SPOCK1: variants seen among roughly 807,000 people sequenced by gnomAD.
SPOCK1 encodes testican-1.
A neutral mutation model predicts 55.3 loss-of-function variants in SPOCK1; 23 were observed. The ratio of observed to expected loss-of-function variants is 0.42; its 90% CI spans 0.30 to 0.59. The LOEUF is 0.59. Ranked by LOEUF, SPOCK1 falls within the 20% of genes least tolerant of loss-of-function variation. The probability of loss-of-function intolerance (pLI) is 0.22; values close to 1 mark genes in which losing one functional copy is unlikely to be tolerated. For synonymous variants in SPOCK1, 226 were observed against 221.0 expected, an observed-to-expected ratio of 1.02 and a Z score of -0.20; for missense variants, 499 against 552.5, an observed-to-expected ratio of 0.90 and a Z score of 0.97.
chr5:137,343,576 CA>C (rs1750486736), intron 2 of SPOCK1, among the ~76,000 whole-genome samples: 1 of 152,240 alleles, frequency 6.6e-6, no homozygotes, highest in Non-Finnish European at 1.5e-5. Context: ...TAGCAACCAT[CA>C]CAGCCACCTG....
chr5:137,149,572 G>C (rs1236855142), intron 3 of SPOCK1, among the ~76,000 whole-genome samples: 4 of 152,182 alleles, frequency 2.6e-5, no homozygotes, highest in African/African-American at 9.7e-5. Flanking sequence ...AAAGATCACT[G>C]TGGCTCACAC....
At chr5:137,363,622 G>A (rs2127167306) in intron 2 of SPOCK1, among the ~76,000 whole-genome samples, 1 of 152,344 alleles carries the variant, frequency 6.6e-6, no homozygotes, top group South Asian at 2.1e-4. Flanking sequence ...GAGCTGTCAG[G>A]AGACAATGTA....
intron 3 of SPOCK1, among the ~76,000 whole-genome samples, chr5:137,182,718 G>C (rs893812529): frequency 2.0e-5 from 3 of 152,188 alleles, no homozygotes; most frequent in African/African-American, 7.2e-5. Flanking sequence ...CCAGCATGGG[G>C]TGTTGGCCTG....
In SPOCK1 at chr5:137,239,838, T is replaced by C. The variant is rs79705818; in HGVS notation, c.232+27172A>G. ...GGAAACTAGGAAAAGCCTAAAAAGGTATAAAAATGGTAAGAAGCACTTAAA... is the reference window on the plus strand; with the variant it reads ...GGAAACTAGGAAAAGCCTAAAAAGGCATAAAAATGGTAAGAAGCACTTAAA... On this transcript the variant is annotated intron_variant, in intron 3 of 10. Transcript: ENST00000394945. 3.0e-4 allele frequency among the ~76,000 whole-genome samples: 45 copies of C among 152,164 alleles called. No individual in the cohort carries two copies. In the East Asian group the frequency reaches 8.3e-3, roughly 28 times the overall value.
intron 2 of SPOCK1, among the ~76,000 whole-genome samples, chr5:137,411,404 G>C (rs1752206075): frequency 6.6e-6 from 1 of 152,156 alleles, no homozygotes; most frequent in Non-Finnish European, 1.5e-5. Flanking sequence ...CAGTGATGAG[G>C]ATGGAGGGAG....
chr5:137,074,013 C>T (rs1752675003), intron 5 of SPOCK1, among the ~76,000 whole-genome samples: 1 of 132,620 alleles, frequency 7.5e-6, no homozygotes, highest in Non-Finnish European at 1.6e-5. Flanking sequence ...AGAAAATACA[C>T]AGTAGCACCT....
At chr5:137,254,403 CA>C (rs1421164163) in intron 3 of SPOCK1, among the ~76,000 whole-genome samples, 7 of 151,288 alleles carry the variant, frequency 4.6e-5, no homozygotes, top group African/African-American at 9.7e-5. Flanking sequence ...TTTCCACTGT[CA>C]AAAAAAAATT....
chr5:137,078,454 C>T (rs556342932), intron 5 of SPOCK1, among the ~76,000 whole-genome samples: 1 of 152,212 alleles, frequency 6.6e-6, no homozygotes, highest in African/African-American at 2.4e-5. Context: ...TGAGGTGGCA[C>T]CTGATTCTAT....
At chr5:137,306,889 C>T (rs1452939580) in intron 2 of SPOCK1, among the ~76,000 whole-genome samples, 1 of 152,166 alleles carries the variant, frequency 6.6e-6, no homozygotes, top group African/African-American at 2.4e-5. Flanking sequence ...TTAGGCCCCA[C>T]AAAATCTGGG....
chr5:137,052,501 AGCC>A (rs1752224597), intron 6 of SPOCK1, among the ~76,000 whole-genome samples: 1 of 152,232 alleles, frequency 6.6e-6, no homozygotes, highest in African/African-American at 2.4e-5. Context: ...ACAGTATACA[AGCC>A]ATTTTACCCA....
At chr5:137,112,923 G>C (rs1753504741) in intron 4 of SPOCK1, among the ~76,000 whole-genome samples, 1 of 151,882 alleles carries the variant, frequency 6.6e-6, no homozygotes, top group Non-Finnish European at 1.5e-5. Flanking sequence ...GGTGCCCAGA[G>C]AACAGCACCC....
intron 7 of SPOCK1, chr5:136,988,886 C>T: frequency 2.5e-6 from 1 of 404,986 alleles, no homozygotes. Flanking sequence ...GGGAAAAATC[C>T]CCAATGTTAA....
chr5:137,055,782 C>A (rs1359991682), intron 6 of SPOCK1, among the ~76,000 whole-genome samples: 1 of 152,146 alleles, frequency 6.6e-6, no homozygotes, highest in Non-Finnish European at 1.5e-5. Flanking sequence ...GGGAGGTGGG[C>A]TGTAGGGAAA....
At chr5:137,498,610 G>C (rs1754360585) in intron 1 of SPOCK1, 52 bp from the exon 2 acceptor site, 1 of 1,255,762 alleles carries the variant, frequency 8.0e-7, no homozygotes, top group Non-Finnish European at 1.0e-6. Flanking sequence ...GCGGCCGCGA[G>C]CCCCGGGCAC....
At chr5:137,399,339 C>T (rs1004250890) in intron 2 of SPOCK1, among the ~76,000 whole-genome samples, 12 of 151,734 alleles carry the variant, frequency 7.9e-5, no homozygotes, top group African/African-American at 2.7e-4. Context: ...TTCTTCACTA[C>T]TGGGCTATAT....
chr5:137,222,800 AG>A (rs1755878975), intron 3 of SPOCK1, among the ~76,000 whole-genome samples: 1 of 152,196 alleles, frequency 6.6e-6, no homozygotes, highest in Non-Finnish European at 1.5e-5. Flanking sequence ...GCTTTCTCAA[AG>A]GGGGCCACAC....
chr5:137,415,212 A>G (rs1752304757), intron 2 of SPOCK1, among the ~76,000 whole-genome samples: 1 of 152,256 alleles, frequency 6.6e-6, no homozygotes, highest in Non-Finnish European at 1.5e-5. Flanking sequence ...TGAGATAAAT[A>G]GAGAAGAACC....
chr5:137,229,727 T>C (rs980069920), intron 3 of SPOCK1, among the ~76,000 whole-genome samples: 8 of 151,752 alleles, frequency 5.3e-5, no homozygotes, highest in African/African-American at 1.7e-4. Context: ...GGAGGTGGGG[T>C]TGGGGGAAGG....
At chr5:137,072,639 A>G (rs1204837244) in intron 5 of SPOCK1, among the ~76,000 whole-genome samples, 1 of 152,372 alleles carries the variant, frequency 6.6e-6, no homozygotes, top group African/African-American at 2.4e-5. Flanking sequence ...TTTGTAAAGC[A>G]CAGCTAACAA....
Sources: gnomAD v4.1 joint callset for allele counts (sites outside exome capture counted in the v4.1 genomes callset) on GRCh38, gnomAD v4.1.1 for gene constraint, MANE v1.5 for transcripts, NCBI Gene and HGNC (gene_info 2026-07-23, HGNC 2026-07-21) for gene names.